Variants in RARB observed in about 807,000 individuals in gnomAD.
The protein encoded by RARB is retinoic acid receptor beta.
A neutral mutation model predicts 51.9 loss-of-function variants in RARB; 17 were observed. The observed-to-expected ratio is 0.33, with a 90% CI of 0.22 to 0.49. RARB has a LOEUF of 0.49. RARB is among the 20% of genes least tolerant of loss of function. RARB has a pLI of 0.99. For missense variants in RARB, 369 were observed against 550.8 expected (o/e 0.67, Z 3.30); for synonymous variants, 215 against 195.4 (o/e 1.10, Z -0.84).
At chr3:25,128,045 G>A (rs537115836) in intron 3 of RARB, among the ~76,000 whole-genome samples, 1 of 152,124 alleles carries the variant, frequency 6.6e-6, no homozygotes, top group African/African-American at 2.4e-5. Flanking sequence ...TTTGCTAACC[G>A]GTTGCCTAAG....
intron 2 of RARB, among the ~76,000 whole-genome samples, chr3:24,879,712 C>G (rs142605219): frequency 2.0e-5 from 3 of 152,076 alleles, no homozygotes; most frequent in African/African-American, 7.2e-5. Context: ...TTAGGATCAC[C>G]GTGGCAGAAG....
chr3:25,133,753 C>A (rs1197474733), intron 4 of RARB, among the ~76,000 whole-genome samples: 1 of 151,732 alleles, frequency 6.6e-6, no homozygotes, highest in Non-Finnish European at 1.5e-5. Flanking sequence ...AAGCTGTACA[C>A]ACATATGCAG....
At chr3:25,419,698 C>G (rs1397444382) in intron 5 of RARB, among the ~76,000 whole-genome samples, 1 of 152,190 alleles carries the variant, frequency 6.6e-6, no homozygotes, top group South Asian at 2.1e-4. Flanking sequence ...GTGTGAAGCC[C>G]TGGAAGCACC....
chr3:25,013,899 G>A (rs1267494929), intron 2 of RARB, among the ~76,000 whole-genome samples: 1 of 152,072 alleles, frequency 6.6e-6, no homozygotes, highest in African/African-American at 2.4e-5. Flanking sequence ...AAAAGGGAAT[G>A]TTTTGGTTCA....
At chr3:25,111,457 T>G (rs539238548) in intron 3 of RARB, among the ~76,000 whole-genome samples, 1 of 152,158 alleles carries the variant, frequency 6.6e-6, no homozygotes, top group Non-Finnish European at 1.5e-5. Context: ...CTAGCAAAAC[T>G]GATTTAAAAT....
chr3:25,145,027 G>C (rs1164312611), intron 4 of RARB, among the ~76,000 whole-genome samples: 3 of 152,136 alleles, frequency 2.0e-5, no homozygotes, highest in Non-Finnish European at 2.9e-5. Flanking sequence ...TTGCACCTAA[G>C]AGGCTGTGGG....
intron 4 of RARB, among the ~76,000 whole-genome samples, chr3:25,149,559 C>T (rs1700248742): frequency 6.6e-6 from 1 of 152,220 alleles, no homozygotes; most frequent in South Asian, 2.1e-4. Flanking sequence ...TCAAGTCCCA[C>T]ATTTTACTCC....
chr3:25,571,830 C>T (rs1187356943), intron 4 of RARB, among the ~76,000 whole-genome samples: 2 of 152,152 alleles, frequency 1.3e-5, no homozygotes, highest in Non-Finnish European at 2.9e-5. Flanking sequence ...TGTGATGGAA[C>T]CCAAAAATAT....
At chr3:25,529,761 A>G (rs1250406032) in intron 3 of RARB, among the ~76,000 whole-genome samples, 5 of 152,186 alleles carry the variant, frequency 3.3e-5, no homozygotes, top group African/African-American at 4.8e-5. Context: ...ATTTTGTAGG[A>G]GGTAAAGTAT....
intron 3 of RARB, among the ~76,000 whole-genome samples, chr3:25,565,440 TCTA>T (rs1196055395): frequency 1.3e-5 from 2 of 152,164 alleles, no homozygotes; most frequent in African/African-American, 4.8e-5. Flanking sequence ...ATGCCAATAT[TCTA>T]TTATTATTAT....
intron 3 of RARB, among the ~76,000 whole-genome samples, chr3:25,092,408 C>G (rs1375075795): frequency 6.6e-6 from 1 of 152,062 alleles, no homozygotes; most frequent in African/African-American, 2.4e-5. Flanking sequence ...TAAAGTGTCT[C>G]TATTCTGCTA....
intron 4 of RARB, among the ~76,000 whole-genome samples, chr3:25,151,542 C>G (rs1161735324): frequency 6.6e-6 from 1 of 152,154 alleles, no homozygotes; most frequent in Non-Finnish European, 1.5e-5. Flanking sequence ...TAAGTTGAAT[C>G]TATAAACAGA....
chr3:25,144,670 C>T (rs1018446805), intron 4 of RARB, among the ~76,000 whole-genome samples: 1 of 152,148 alleles, frequency 6.6e-6, no homozygotes, highest in Non-Finnish European at 1.5e-5. Flanking sequence ...GTAGATTGGG[C>T]TAACTTCTCC....
intron 5 of RARB, among the ~76,000 whole-genome samples, chr3:25,298,051 C>A (rs1027598141): frequency 2.0e-5 from 3 of 152,152 alleles, no homozygotes; most frequent in African/African-American, 7.2e-5. Flanking sequence ...GGACAAAAGA[C>A]AGCTAAGCAT....
chr3:24,866,664 T>G (rs1030827263), intron 2 of RARB, among the ~76,000 whole-genome samples: 11 of 152,198 alleles, frequency 7.2e-5, no homozygotes, highest in Admixed American at 6.5e-4. Context: ...TGTGGGGTTT[T>G]CTTCCAAATG....
chr3:24,886,796 C>T (rs9310763), intron 2 of RARB, among the ~76,000 whole-genome samples: 7,587 of 152,200 alleles, frequency 0.05, 542 homozygotes, highest in African/African-American at 0.16. Flanking sequence ...CTAATGATAT[C>T]TGTAAAGGCA....
At chr3:24,921,765 C>G (rs2125387352) in intron 2 of RARB, among the ~76,000 whole-genome samples, 1 of 152,260 alleles carries the variant, frequency 6.6e-6, no homozygotes, top group Non-Finnish European at 1.5e-5. Flanking sequence ...ACTAAAATGT[C>G]AAATAGGAAA....
At chr3:25,311,234 T>A (rs773363806) in intron 5 of RARB, among the ~76,000 whole-genome samples, 1 of 152,178 alleles carries the variant, frequency 6.6e-6, no homozygotes, top group South Asian at 2.1e-4. Context: ...AAAGAGAGGA[T>A]GCACGTGGTG....
At chr3:25,056,262 G>C (rs1698440369) in intron 2 of RARB, among the ~76,000 whole-genome samples, 1 of 152,116 alleles carries the variant, frequency 6.6e-6, no homozygotes, top group African/African-American at 2.4e-5. Flanking sequence ...ACCTTAGTGA[G>C]AGAAAGCTTC....
Sources: allele counts gnomAD v4.1 joint callset (sites outside exome capture counted in the v4.1 genomes callset), GRCh38; gene constraint gnomAD v4.1.1; transcripts MANE v1.5; gene names NCBI Gene and HGNC (gene_info 2026-07-23, HGNC 2026-07-21).